RANBP2: variants seen among roughly 807,000 people sequenced by gnomAD.
RANBP2 encodes RAN binding protein 2, also known as E3 SUMO-protein ligase RanBP2.
RANBP2 carries 57 observed loss-of-function variants against 303.6 expected under a neutral mutation model. That is an observed-to-expected ratio of 0.19 (90% confidence interval 0.15 to 0.23). RANBP2 has a LOEUF of 0.23. Among genes scored for constraint, RANBP2 ranks in the 10% least tolerant of loss-of-function variants. The pLI, the probability that RANBP2 is intolerant of heterozygous loss-of-function variation, is 1.00. For synonymous variants in RANBP2, 1,167 were observed against 1,301.5 expected (o/e 0.90, Z 2.23); for missense variants, 3,138 against 3,780.8 (o/e 0.83, Z 4.46).
chr2:108,884,998 G>C, the RANBP2 span: 1 of 152,214 alleles, frequency 6.6e-6, no homozygotes, highest in Non-Finnish European at 1.5e-5. Context: ...TTCCCAAGGA[G>C]CTAATTGGAA....
chr2:109,680,294 A>G, the RANBP2 span, among the ~76,000 whole-genome samples: 1 of 151,780 alleles, frequency 6.6e-6, no homozygotes, highest in Non-Finnish European at 1.5e-5. Flanking sequence ...CGGAGCTTGC[A>G]GTGAGCCAAG....
Position 108,782,653 on chromosome 2 carries a change from C to A in RANBP2, c.9160C>A (p.Leu3054Met). Reference protein sequence around the residue: ...LMKLQKGHVSLAAELSKETNP... With the variant: ...LMKLQKGHVSMAAELSKETNP... The stretch of plus-strand genomic sequence containing the variant: ...GAAACTCCAGAAAGGACATGTATCA[C>A]TGGCAGCAGAATTATCAAAGGAGAC... The change falls in exon 28 of 29, where the codon CTG (leucine) becomes ATG (methionine). Residue 3054 changes from leucine to methionine, a missense_variant. Transcript: ENST00000283195. The A allele has an allele frequency of 6.2e-7, 1 of 1,614,186 alleles. No individual in the cohort carries two copies. Among genetic ancestry groups the A allele is most frequent in the Non-Finnish European group, 8.5e-7 (1 of 1,180,024 alleles).
chr2:109,591,316 G>T, the RANBP2 span, among the ~76,000 whole-genome samples: 2 of 152,094 alleles, frequency 1.3e-5, no homozygotes, highest in African/African-American at 2.4e-5. Context: ...ACAATGACAG[G>T]ATTTTAATGT....
chr2:108,809,448 T>TTGTGTGTGTGTG, the RANBP2 span, among the ~76,000 whole-genome samples: 10 of 141,224 alleles, frequency 7.1e-5, no homozygotes, highest in South Asian at 4.7e-4. Context: ...ACATGAAATG[T>TTGTGTGTGTGTG]TGTGTGTGTG....
the RANBP2 span, among the ~76,000 whole-genome samples, chr2:109,243,954 C>CACTT: frequency 6.6e-6 from 1 of 152,254 alleles, no homozygotes; most frequent in Non-Finnish European, 1.5e-5. Context: ...CAGCCATGGG[C>CACTT]ACTTGGTGGT....
the RANBP2 span, among the ~76,000 whole-genome samples, chr2:108,807,245 A>C: frequency 2.6e-5 from 4 of 152,238 alleles, no homozygotes; most frequent in Non-Finnish European, 4.4e-5. Flanking sequence ...TAGATTGACA[A>C]CTTCATTAGA....
At chr2:108,776,560 C>T (rs1223228302) in intron 24 of RANBP2, among the ~76,000 whole-genome samples, 1 of 152,136 alleles carries the variant, frequency 6.6e-6, no homozygotes, top group Non-Finnish European at 1.5e-5. Context: ...ATTTGAGAGT[C>T]TTAATGTGCT....
At chr2:109,426,024 G>A in the RANBP2 span, among the ~76,000 whole-genome samples, 3 of 151,960 alleles carry the variant, frequency 2.0e-5, no homozygotes, top group South Asian at 2.1e-4. Context: ...CAGCCTTCCC[G>A]GTAGCTGGGA....
chr2:109,443,501 T>A, the RANBP2 span, among the ~76,000 whole-genome samples: 2 of 151,860 alleles, frequency 1.3e-5, no homozygotes, highest in African/African-American at 4.8e-5. Context: ...GACTTGGGGG[T>A]TACAAATCGT....
the RANBP2 span, among the ~76,000 whole-genome samples, chr2:109,653,161 C>A: frequency 6.6e-6 from 1 of 152,054 alleles, no homozygotes; most frequent in African/African-American, 2.4e-5. Context: ...CTTCGGGAGG[C>A]TGAGGCGGGT....
the RANBP2 span, among the ~76,000 whole-genome samples, chr2:109,433,445 G>A: frequency 2.0e-5 from 3 of 152,320 alleles, no homozygotes; most frequent in Non-Finnish European, 4.4e-5. Context: ...TTTTCGCTGA[G>A]ATGAGGATCC....
At chr2:108,738,541 T>C (rs1695813728) in intron 6 of RANBP2, among the ~76,000 whole-genome samples, 1 of 152,062 alleles carries the variant, frequency 6.6e-6, no homozygotes. Context: ...GGGTTATTTC[T>C]ATCAGTGTTT....
At chr2:109,619,909 G>A in the RANBP2 span, among the ~76,000 whole-genome samples, 10 of 152,130 alleles carry the variant, frequency 6.6e-5, no homozygotes, top group African/African-American at 2.4e-4. Flanking sequence ...ATATTAGAGG[G>A]TTGGAAGATG....
chr2:108,798,666 C>A, the RANBP2 span: 2 of 1,120,680 alleles, frequency 1.8e-6, no homozygotes, highest in Non-Finnish European at 2.6e-6. Context: ...CATTTTGTCA[C>A]ATTTGCTTAT....
chr2:109,046,324 A>C, the RANBP2 span, among the ~76,000 whole-genome samples: 1,584 of 150,616 alleles, frequency 0.011, 32 homozygotes, highest in African/African-American at 0.037. Flanking sequence ...AAAGAAAAAA[A>C]ATCTGAAAGG....
intron 20 of RANBP2, among the ~76,000 whole-genome samples, chr2:108,771,279 T>C (rs554393946): frequency 6.6e-6 from 1 of 152,026 alleles, no homozygotes; most frequent in Non-Finnish European, 1.5e-5. Context: ...ATTAGTTTCA[T>C]ATGTATAGTA....
At chr2:109,138,934 A>G in the RANBP2 span, among the ~76,000 whole-genome samples, 1 of 152,246 alleles carries the variant, frequency 6.6e-6, no homozygotes, top group Non-Finnish European at 1.5e-5. Context: ...TTCAGAGGAC[A>G]CTGTAAACAA....
the RANBP2 span, among the ~76,000 whole-genome samples, chr2:109,395,029 T>A: frequency 6.6e-6 from 1 of 152,336 alleles, no homozygotes; most frequent in East Asian, 1.9e-4. Flanking sequence ...CGGTGCCAAA[T>A]TCAGGCCCAG....
At chr2:108,957,498 GCTGGA>G in the RANBP2 span, among the ~76,000 whole-genome samples, 1 of 152,224 alleles carries the variant, frequency 6.6e-6, no homozygotes, top group Non-Finnish European at 1.5e-5. Flanking sequence ...CCCCCAGGGG[GCTGGA>G]TGGTTCTATC....
Sources: gnomAD v4.1 joint callset for allele counts (sites outside exome capture counted in the v4.1 genomes callset) on GRCh38, gnomAD v4.1.1 for gene constraint, MANE v1.5 for transcripts, NCBI Gene and HGNC (gene_info 2026-07-23, HGNC 2026-07-21) for gene names.